The following DCST2 variants were observed in gnomAD, a reference collection of about 807,000 sequenced individuals.
The protein encoded by DCST2 is DC-STAMP domain-containing protein 2.
Under a neutral mutation model 81.8 loss-of-function variants are expected in DCST2, and 64 were observed. The ratio of observed to expected loss-of-function variants is 0.78; its 90% CI spans 0.64 to 0.96. DCST2 has a LOEUF of 0.96. Ranked by LOEUF, DCST2 falls within the 40% of genes least tolerant of loss-of-function variation. The pLI is 0.00. For synonymous variants in DCST2, 354 were observed against 402.6 expected, an observed-to-expected ratio of 0.88 and a Z score of 1.44; for missense variants, 945 against 1,001.4, an observed-to-expected ratio of 0.94 and a Z score of 0.76.
In DCST2 at chr1:155,023,105, C is replaced by T; in HGVS notation, c.2105+12G>A. On this transcript the variant is annotated intron_variant, in intron 14 of 14. Coordinates refer to ENST00000368424, the MANE Select transcript of DCST2 (RefSeq NM_144622.3). ...CACAATTCCCAGGTGCCAACTCCTG[C>T]TTCCTGCTCACCTGGACTCGGAAGT... 1 of 1,609,072 alleles carries T rather than the reference C, an allele frequency of 6.2e-7. No individual in the cohort carries two copies. The highest frequency in any genetic ancestry group is 1.7e-5 in the Admixed American group (1 of 59,932).
In DCST2 at chr1:155,026,415, C is replaced by A; in HGVS notation, c.1511-13G>T. 2 of 1,613,684 alleles carry A rather than the reference C, an allele frequency of 1.2e-6. No homozygotes were observed. Among genetic ancestry groups the A allele is most frequent in the Non-Finnish European group, 1.7e-6 (2 of 1,179,946 alleles). ...CCATACATGACGCCTGGGAGCACAG[C>A]AGCCACAGTCAGCCTCACCAGCAGG... On this transcript the variant is annotated splice_polypyrimidine_tract_variant and intron_variant, in intron 9 of 14. Transcript: ENST00000368424.
chr1:155,030,769 G>T, intron 5 of DCST2, 124 bp from the exon 6 acceptor site: 1 of 1,022,666 alleles, frequency 9.8e-7, no homozygotes, highest in Non-Finnish European at 1.4e-6. Context: ...GAACCCCCCA[G>T]TGCTTGGGTC....
chr1:155,031,767 C>A lies in DCST2; in HGVS notation c.546G>T (p.Arg182Ser), dbSNP rs755399004. Residue 182 changes from arginine to serine, a missense_variant, in exon 4 of 15, where the codon AGG (arginine) becomes AGT (serine). Transcript: ENST00000368424. Reference protein sequence around the residue: ...SIMDGVKHIARALRNVWQWLL... With the variant: ...SIMDGVKHIASALRNVWQWLL... ...GCCACTGCCACACATTCCGGAGAGC[C>A]CTGGCTGGGGACAGCTGCAGGGTTG... 4 of 1,613,756 alleles carry A rather than the reference C, an allele frequency of 2.5e-6. No individual in the cohort carries two copies. Among genetic ancestry groups the A allele is most frequent in the South Asian group, 1.1e-5 (1 of 91,060 alleles).
rs1481324855 is a variant in DCST2 at position 155,026,303 on chromosome 1, T to C, written c.1610A>G (p.Gln537Arg). The C allele has an allele frequency of 1.6e-5, 26 of 1,613,530 alleles. No individual in the cohort carries two copies. The highest frequency in any genetic ancestry group is 1.9e-5 in the Non-Finnish European group (23 of 1,179,980). The change falls in exon 10 of 15, where the codon CAG becomes CGG. Residue 537 changes from glutamine to arginine, a missense_variant and splice_region_variant. Transcript: ENST00000368424. ...AGCTCCCAGCCCCGGACCCCTCACC[T>C]GCTCCCGGGATGGGTAGTAGGAGGC... ...ICASYYPSRE[Q>R]ERISYLYNVL... is the part of the protein sequence containing the mutation.
chr1:155,019,831 G>C (rs952953447), intron 14 of DCST2, among the ~76,000 whole-genome samples: 1 of 152,212 alleles, frequency 6.6e-6, no homozygotes, highest in Non-Finnish European at 1.5e-5. Flanking sequence ...GCATCATCTG[G>C]GCCTTTGACG....
chr1:155,031,515 T>TCCCCCCCCCCCCCCCCC, intron 4 of DCST2, 59 bp downstream of exon 4: 4 of 643,124 alleles, frequency 6.2e-6, no homozygotes, highest in South Asian at 1.4e-5. Flanking sequence ...ACCCCCACAT[T>TCCCCCCCCCCCCCCCCC]CCCACCCCAC....
rs1469591406 is a variant in DCST2, at chr1:155,033,453, C to G, written c.249G>C (p.Leu83=). ...GCTCACTGGAGAAGGCCTGAGGCAG[C>G]AGCAGGAGGACAGTGGCTCGGACCT... The part of the protein sequence containing the change: ...SRQVRATVLL[L]LPQAFSRQGR... The change falls in exon 1 of 15, where the codon CTG becomes CTC. Residue 83 remains leucine (L), a synonymous_variant. Coordinates refer to ENST00000368424, the MANE Select transcript of DCST2 (RefSeq NM_144622.3). 3.1e-6 allele frequency: 5 copies of G among 1,613,644 alleles called. No homozygotes were observed. Among genetic ancestry groups the G allele is most frequent in the Non-Finnish European group, 4.2e-6 (5 of 1,179,642 alleles).
chr1:155,028,867 T>TG (rs1659987517), intron 8 of DCST2, among the ~76,000 whole-genome samples: 1 of 35,570 alleles, frequency 2.8e-5, no homozygotes, highest in Non-Finnish European at 5.0e-5. Context: ...AGACTCTGTC[T>TG]CAAAAAAAAA....
At chr1:155,033,290 C>G (rs763056731) in intron 1 of DCST2, 26 bp from the exon 2 acceptor site, 6 of 1,599,972 alleles carry the variant, frequency 3.8e-6, no homozygotes, top group Non-Finnish European at 4.3e-6. Context: ...TTGTTAGAAC[C>G]AAGACCCCAG....
At position 155,024,575 on chromosome 1, in the gene DCST2, G is replaced by C. The variant is rs1262113120; in HGVS notation, c.1639C>G (p.Leu547Val). The C allele has an allele frequency of 6.2e-7, 1 of 1,608,140 alleles. No individual in the cohort carries two copies. The highest frequency in any genetic ancestry group is 8.5e-7 in the Non-Finnish European group (1 of 1,177,224). ...AACAGATTGGTTCGGCGGCTCAGAA[G>C]TACATTGTACAGGTAGGAGATCCTC... ...QERISYLYNV[L>V]LSRRTNLLAA... Residue 547 changes from leucine (L) to valine (V), a missense_variant, in exon 11 of 15, where the codon CTT (leucine) becomes GTT (valine). By Grantham distance (32) the Leu-to-Val change is conservative. Coordinates refer to ENST00000368424, the MANE Select transcript of DCST2 (RefSeq NM_144622.3).
At chr1:155,019,451 C>T (rs1366986914) in intron 14 of DCST2, among the ~76,000 whole-genome samples, 3 of 152,242 alleles carry the variant, frequency 2.0e-5, no homozygotes, top group Non-Finnish European at 4.4e-5. Context: ...TGACCGTCAT[C>T]TCTGTTCCCA....
intron 14 of DCST2, among the ~76,000 whole-genome samples, chr1:155,022,679 G>A (rs372811777): frequency 6.6e-6 from 1 of 152,124 alleles, no homozygotes. Flanking sequence ...CCAGGAGGTC[G>A]AGGTTGCAGT....
chr1:155,029,990 C>T (rs1660020001), intron 7 of DCST2, 94 bp downstream of exon 7: 7 of 1,556,212 alleles, frequency 4.5e-6, no homozygotes, highest in Non-Finnish European at 6.1e-6. Context: ...CCATCCTGAG[C>T]CCTGCCTGTG....
chr1:155,023,627 A>G (rs1344782986), intron 12 of DCST2, 170 bp from the exon 13 acceptor site: 1 of 1,547,286 alleles, frequency 6.5e-7, no homozygotes, highest in Non-Finnish European at 8.7e-7. Flanking sequence ...AATCCTATTC[A>G]TAAATACCCG....
rs559840094 is a variant in DCST2 at position 155,026,342 on chromosome 1, C to T, written c.1571G>A (p.Arg524Gln). Residue 524 changes from arginine (R) to glutamine (Q), a missense_variant, in exon 10 of 15, where the codon CGG (arginine) becomes CAG (glutamine). Arg to Gln is a conservative substitution (Grantham distance 43, BLOSUM62 1). Transcript: ENST00000368424. ...TLFGSYVSRL[R>Q]RVICASYYPS... ...GTAGTAGGAGGCACAGATGACTCGC[C>T]GCAGCCGGCTGACATAGCTGCCAAA... The T allele has an allele frequency of 7.4e-6, 12 of 1,613,720 alleles. No homozygotes were observed. The highest frequency in any genetic ancestry group is 1.3e-5 in the African/African-American group (1 of 74,912).
At chr1:155,026,511 G>A (rs372734773) in intron 9 of DCST2, 37 bp downstream of exon 9, 2 of 1,613,046 alleles carry the variant, frequency 1.2e-6, no homozygotes, top group Non-Finnish European at 1.7e-6. Context: ...CCCACATGGT[G>A]TCCACGCCCC....
intron 11 of DCST2, 96 bp downstream of exon 11, chr1:155,024,376 C>A: frequency 6.9e-7 from 1 of 1,447,242 alleles, no homozygotes; most frequent in Non-Finnish European, 9.1e-7. Flanking sequence ...TCAACCAAAT[C>A]TCTTGACACT....
chr1:155,033,472 C>A lies in DCST2; in HGVS notation c.230G>T (p.Arg77Leu), dbSNP rs764416481. Residue 77 changes from arginine to leucine, a missense_variant, in exon 1 of 15, where the codon CGA becomes CTA. Coordinates refer to ENST00000368424, the MANE Select transcript of DCST2 (RefSeq NM_144622.3). Reference protein sequence around the residue: ...SLGMGFSRQVRATVLLLLPQA... With the variant: ...SLGMGFSRQVLATVLLLLPQA... The stretch of plus-strand genomic sequence containing the variant: ...AGGCAGCAGCAGGAGGACAGTGGCT[C>A]GGACCTGGCGAGAGAATCCCATGCC... 6.2e-7 allele frequency: 1 copy of A among 1,613,890 alleles called. No individual in the cohort carries two copies. The highest frequency in any genetic ancestry group is 8.5e-7 in the Non-Finnish European group (1 of 1,179,896).
chr1:155,031,207 T>C lies in DCST2; in HGVS notation c.767A>G (p.Lys256Arg). ...CTGGCGCAAGAAGGGTTGAATGTAC[T>C]TAGGGATGACGCAGAACACCTGGAC... ...SLVQVFCVIP[K>R]YIQPFLRQTI... is the part of the protein sequence containing the mutation. Residue 256 changes from lysine (K) to arginine (R), a missense_variant, in exon 5 of 15, where the codon AAG becomes AGG. Physicochemically the swap from Lys to Arg is conservative, Grantham distance 26. Transcript: ENST00000368424. The C allele has an allele frequency of 1.3e-6, 2 of 1,589,420 alleles. No homozygotes were observed. Among genetic ancestry groups the C allele is most frequent in the Non-Finnish European group, 1.7e-6 (2 of 1,169,822 alleles).
Sources: gnomAD v4.1 joint callset for allele counts (sites outside exome capture counted in the v4.1 genomes callset) on GRCh38, gnomAD v4.1.1 for gene constraint, MANE v1.5 for transcripts, NCBI Gene and HGNC (gene_info 2026-07-23, HGNC 2026-07-21) for gene names.